The following SRGAP3 variants were observed in gnomAD, a reference collection of about 807,000 sequenced individuals.
SRGAP3 encodes the protein SLIT-ROBO Rho GTPase activating protein 3.
A neutral mutation model predicts 121.1 loss-of-function variants in SRGAP3; 39 were observed. The observed-to-expected ratio is 0.32, with a 90% CI of 0.25 to 0.42. The LOEUF (loss-of-function observed/expected upper bound fraction) is 0.42. Ranked by LOEUF, SRGAP3 falls within the 10% of genes least tolerant of loss-of-function variation. SRGAP3 has a pLI of 1.00. For missense variants in SRGAP3, 1,213 were observed against 1,470.6 expected (o/e 0.82, Z 2.86); for synonymous variants, 601 against 570.0 (o/e 1.05, Z -0.77).
At chr3:9,318,971 G>A (rs1486357623) in intron 3 of SRGAP3, among the ~76,000 whole-genome samples, 1 of 151,850 alleles carries the variant, frequency 6.6e-6, no homozygotes, top group Non-Finnish European at 1.5e-5. Context: ...TTTCTTCCCT[G>A]AGTCAATAAG....
At chr3:9,320,434 T>C (rs12330260) in intron 3 of SRGAP3, among the ~76,000 whole-genome samples, 3,644 of 151,864 alleles carry the variant, frequency 0.024, 154 homozygotes, top group African/African-American at 0.081. Context: ...GTTCTTGTGA[T>C]AGTGAGTGAG....
At chr3:9,062,256 G>A (rs183141803) in intron 5 of SRGAP3, among the ~76,000 whole-genome samples, 1 of 152,240 alleles carries the variant, frequency 6.6e-6, no homozygotes, top group East Asian at 1.9e-4. Flanking sequence ...AATGAGAACT[G>A]GAGAGAAGTG....
At chr3:9,105,791 C>G (rs896987383) in intron 2 of SRGAP3, among the ~76,000 whole-genome samples, 11 of 152,234 alleles carry the variant, frequency 7.2e-5, no homozygotes, top group African/African-American at 2.7e-4. Context: ...TACAGGGCTA[C>G]ATCCCAATAA....
intron 1 of SRGAP3, among the ~76,000 whole-genome samples, chr3:9,187,017 G>A (rs1951615372): frequency 6.6e-6 from 1 of 151,978 alleles, no homozygotes. Context: ...GAACATGCAG[G>A]TTTGTTACAT....
intron 1 of SRGAP3, among the ~76,000 whole-genome samples, chr3:9,339,182 T>C (rs1575016557): frequency 1.3e-5 from 2 of 152,224 alleles, no homozygotes; most frequent in Admixed American, 1.3e-4. Context: ...GCCCTGGGCC[T>C]TGGTTTTCTC....
chr3:9,041,610 A>T (rs1023338371), intron 10 of SRGAP3, among the ~76,000 whole-genome samples: 3 of 152,188 alleles, frequency 2.0e-5, no homozygotes, highest in African/African-American at 4.8e-5. Context: ...CCTGTCTAGT[A>T]CTTTGCAGAT....
chr3:9,308,171 C>T (rs1156740086), intron 3 of SRGAP3, among the ~76,000 whole-genome samples: 1 of 152,016 alleles, frequency 6.6e-6, no homozygotes, highest in Non-Finnish European at 1.5e-5. Context: ...CAGGCCACAG[C>T]ACCATCCCAT....
At chr3:9,168,002 A>T (rs543374447) in intron 1 of SRGAP3, among the ~76,000 whole-genome samples, 1 of 152,332 alleles carries the variant, frequency 6.6e-6, no homozygotes, top group Non-Finnish European at 1.5e-5. Flanking sequence ...CTTTTTTCAC[A>T]GACATTAGCT....
intron 4 of SRGAP3, among the ~76,000 whole-genome samples, chr3:9,079,721 C>G (rs1246560831): frequency 6.6e-6 from 1 of 152,226 alleles, no homozygotes; most frequent in Admixed American, 6.5e-5. Flanking sequence ...CACACTCACA[C>G]TCCCCCGGCC....
chr3:9,207,410 A>G (rs1952301773), intron 1 of SRGAP3, among the ~76,000 whole-genome samples: 1 of 152,198 alleles, frequency 6.6e-6, no homozygotes, highest in Admixed American at 6.5e-5. Flanking sequence ...ATTGAGTCCT[A>G]AATCTCAAGT....
At position 9,071,154 on chromosome 3, in the gene SRGAP3, C is replaced by G. The variant is rs561122515; in HGVS notation, c.487-6573G>C. ...CATCAGGTATGTCAGGTATGAACAT[C>G]AGGAGCACCAGCCAATGGAACCACT... On this transcript the variant is annotated intron_variant, in intron 4 of 21. Coordinates refer to ENST00000383836, the MANE Select transcript of SRGAP3 (RefSeq NM_014850.4). Among the ~76,000 whole-genome samples the G allele has an allele frequency of 2.0e-5, 3 of 152,230 alleles. No individual in the cohort carries two copies. The East Asian group carries it at 5.8e-4, about 29-fold the overall frequency.
chr3:9,030,157 G>A (rs945691725), intron 12 of SRGAP3, among the ~76,000 whole-genome samples: 1 of 102,084 alleles, frequency 9.8e-6, no homozygotes, highest in South Asian at 3.3e-4. Context: ...CTCAATAAAT[G>A]AATGAATGAA....
chr3:9,063,558 C>T (rs6764778), intron 5 of SRGAP3, among the ~76,000 whole-genome samples: 50,058 of 151,616 alleles, frequency 0.33, 8,942 homozygotes, highest in South Asian at 0.45. Context: ...AGGCTGGTCT[C>T]GAACTCCTGG....
chr3:9,133,548 T>C (rs1255741686), intron 1 of SRGAP3, among the ~76,000 whole-genome samples: 1 of 152,188 alleles, frequency 6.6e-6, no homozygotes, highest in Non-Finnish European at 1.5e-5. Context: ...ACTTCCTCAT[T>C]CCTTTTACAG....
At chr3:9,295,010 C>G (rs1337873170) in intron 3 of SRGAP3, among the ~76,000 whole-genome samples, 1 of 152,118 alleles carries the variant, frequency 6.6e-6, no homozygotes, top group Non-Finnish European at 1.5e-5. Flanking sequence ...AATCTTTTGG[C>G]TACTTGTTGA....
At chr3:9,350,353 G>A (rs2030062175) in intron 1 of SRGAP3, among the ~76,000 whole-genome samples, 1 of 152,204 alleles carries the variant, frequency 6.6e-6, no homozygotes, top group African/African-American at 2.4e-5. Context: ...AAAGAAAAGA[G>A]ATAGGAAAGG....
chr3:9,360,175 C>T (rs534417262), intron 1 of SRGAP3, among the ~76,000 whole-genome samples: 10 of 152,282 alleles, frequency 6.6e-5, no homozygotes, highest in South Asian at 2.1e-4. Flanking sequence ...GCAATCTTCC[C>T]GCCTCTGCCT....
chr3:9,190,080 T>C (rs1227332541), intron 1 of SRGAP3, among the ~76,000 whole-genome samples: 1 of 152,176 alleles, frequency 6.6e-6, no homozygotes, highest in African/African-American at 2.4e-5. Flanking sequence ...ACCCATCCAA[T>C]ATCCCAGGAC....
At chr3:9,113,889 C>T (rs1161337199) in intron 2 of SRGAP3, among the ~76,000 whole-genome samples, 1 of 152,176 alleles carries the variant, frequency 6.6e-6, no homozygotes, top group East Asian at 1.9e-4. Flanking sequence ...GTCCATTAAA[C>T]CCCTTTTCTT....
Sources: gnomAD v4.1 joint callset for allele counts (sites outside exome capture counted in the v4.1 genomes callset) on GRCh38, gnomAD v4.1.1 for gene constraint, MANE v1.5 for transcripts, NCBI Gene and HGNC (gene_info 2026-07-23, HGNC 2026-07-21) for gene names.